Variants in TBC1D4 observed in about 807,000 individuals in gnomAD.
TBC1D4 encodes the protein TBC (Tre-2, BUB2, CDC16) domain-containing protein.
Under a neutral mutation model 142.5 loss-of-function variants are expected in TBC1D4, and 121 were observed. The observed-to-expected ratio is 0.85, with a 90% CI of 0.73 to 0.99. TBC1D4 has a LOEUF of 0.99. TBC1D4 is among the 50% of genes least tolerant of loss of function. The pLI is 0.00. For missense variants in TBC1D4, 1,475 were observed against 1,606.6 expected (o/e 0.92, Z 1.40); for synonymous variants, 630 against 628.2 (o/e 1.00, Z -0.04).
At chr13:75,303,039 C>G (rs1876742670) in intron 15 of TBC1D4, among the ~76,000 whole-genome samples, 1 of 152,040 alleles carries the variant, frequency 6.6e-6, no homozygotes, top group Non-Finnish European at 1.5e-5. Flanking sequence ...AAGAATAGGC[C>G]AGGTACGGTG....
chr13:75,429,534 T>G (rs1886510530), intron 1 of TBC1D4, among the ~76,000 whole-genome samples: 1 of 152,228 alleles, frequency 6.6e-6, no homozygotes, highest in Non-Finnish European at 1.5e-5. Context: ...GAGATTTTCA[T>G]GCCCAGGCAT....
chr13:75,302,218 A>G, intron 16 of TBC1D4, 25 bp downstream of exon 16: 1 of 1,614,042 alleles, frequency 6.2e-7, no homozygotes, highest in Admixed American at 1.7e-5. Context: ...ACTTTTGTAA[A>G]TTATAATCCA....
intron 1 of TBC1D4, among the ~76,000 whole-genome samples, chr13:75,408,978 T>C (rs1885468362): frequency 6.6e-6 from 1 of 152,136 alleles, no homozygotes; most frequent in East Asian, 1.9e-4. Context: ...CCCTCTGATA[T>C]ATGATTGCAA....
chr13:75,443,852 G>A (rs1160593181), intron 1 of TBC1D4, among the ~76,000 whole-genome samples: 5 of 152,126 alleles, frequency 3.3e-5, no homozygotes, highest in African/African-American at 2.4e-5. Flanking sequence ...AGCACTTAAC[G>A]ACTACCAGCT....
chr13:75,409,633 T>G (rs1885506803), intron 1 of TBC1D4, among the ~76,000 whole-genome samples: 1 of 152,204 alleles, frequency 6.6e-6, no homozygotes, highest in Non-Finnish European at 1.5e-5. Context: ...TGGTGAAACT[T>G]CACAGTAAAA....
chr13:75,348,615 C>A (rs1372481169), intron 5 of TBC1D4, among the ~76,000 whole-genome samples: 1 of 152,200 alleles, frequency 6.6e-6, no homozygotes, highest in African/African-American at 2.4e-5. Flanking sequence ...ATGGCCTTCA[C>A]TCCTTCTCAG....
rs541138339 is a variant in TBC1D4, at chr13:75,366,111, A to G, written c.499-3504T>C. Among the ~76,000 whole-genome samples, 28 of 152,344 alleles carry G rather than the reference A, an allele frequency of 1.8e-4. No homozygotes were observed. In the East Asian group the frequency reaches 1.9e-3, roughly 10 times the overall value. On this transcript the variant is annotated intron_variant, in intron 1 of 20. Transcript: ENST00000377636. ...GTAGCTACAAATAATTCCGCTGCTC[A>G]GAATCTGCCTACAACCCACAGAGCC...
At chr13:75,466,208 G>T (rs777245153) in intron 1 of TBC1D4, among the ~76,000 whole-genome samples, 1 of 152,122 alleles carries the variant, frequency 6.6e-6, no homozygotes, top group South Asian at 2.1e-4. Flanking sequence ...AATAATAAGT[G>T]GTCTTTTCTC....
intron 1 of TBC1D4, among the ~76,000 whole-genome samples, chr13:75,409,106 A>G (rs1004243042): frequency 4.6e-5 from 7 of 152,044 alleles, no homozygotes; most frequent in Non-Finnish European, 7.4e-5. Flanking sequence ...TTGGTCAGTT[A>G]CCAGTCTTGC....
chr13:75,318,989 C>T (rs1172604504), intron 12 of TBC1D4, among the ~76,000 whole-genome samples: 3 of 152,018 alleles, frequency 2.0e-5, no homozygotes, highest in Non-Finnish European at 2.9e-5. Context: ...ATAAGGAAAT[C>T]ATAGACTAGA....
chr13:75,371,308 G>A (rs77631038), intron 1 of TBC1D4, among the ~76,000 whole-genome samples: 76 of 152,274 alleles, frequency 5.0e-4, no homozygotes, highest in African/African-American at 1.8e-3. Context: ...TGGTGAAGGG[G>A]AAATCAATGA....
At position 75,362,751 on chromosome 13, in the gene TBC1D4, A is replaced by G; in HGVS notation, c.499-144T>C. Reference sequence around the variant, plus strand: ...AGACACTACACGAGACAGAGCATACACTTACATTATTTGACATAAATGACT... The same window carrying G: ...AGACACTACACGAGACAGAGCATACGCTTACATTATTTGACATAAATGACT... On this transcript the variant is annotated intron_variant, in intron 1 of 20. Coordinates refer to ENST00000377636, the MANE Select transcript of TBC1D4 (RefSeq NM_014832.5). This position sits in a 1 kb window ranked among gnomAD's most constrained non-coding sequence, Gnocchi z 4.2. 1 of 820,482 alleles carries G rather than the reference A, an allele frequency of 1.2e-6. No homozygotes were observed. Among genetic ancestry groups the G allele is most frequent in the East Asian group, 2.6e-5 (1 of 38,146 alleles). The allele number at this position is 820,482 out of a possible 1,614,324, so 50.8% of individuals were successfully genotyped here. A position where few individuals can be genotyped will look rare whatever the true frequency, so the allele number is the denominator to read the frequency against.
intron 1 of TBC1D4, among the ~76,000 whole-genome samples, chr13:75,410,221 T>C (rs932636546): frequency 6.6e-6 from 1 of 152,324 alleles, no homozygotes; most frequent in East Asian, 1.9e-4. Context: ...CTTTCCTATA[T>C]TACAGCCATC....
intron 1 of TBC1D4, among the ~76,000 whole-genome samples, chr13:75,399,901 G>A (rs1335450701): frequency 6.6e-6 from 1 of 152,132 alleles, no homozygotes; most frequent in East Asian, 1.9e-4. Context: ...AGACTACCAG[G>A]AGACTGACAT....
At chr13:75,289,351 G>A (rs1875032347) in intron 19 of TBC1D4, among the ~76,000 whole-genome samples, 1 of 152,002 alleles carries the variant, frequency 6.6e-6, no homozygotes, top group African/African-American at 2.4e-5. Context: ...AAACAGAACA[G>A]ATAGATTATT....
intron 1 of TBC1D4, among the ~76,000 whole-genome samples, chr13:75,409,618 A>G (rs544704749): frequency 3.9e-5 from 6 of 152,296 alleles, no homozygotes; most frequent in African/African-American, 1.4e-4. Context: ...ATGCAGATTG[A>G]CCCTTGGTGA....
chr13:75,343,717 C>T (rs866447077), intron 5 of TBC1D4, among the ~76,000 whole-genome samples: 30 of 152,110 alleles, frequency 2.0e-4, no homozygotes, highest in Admixed American at 1.4e-3. Context: ...TGTTTCTCCA[C>T]GTTGGTCAGG....
intron 1 of TBC1D4, among the ~76,000 whole-genome samples, chr13:75,377,087 CAAAG>C (rs2138236433): frequency 6.6e-6 from 1 of 152,320 alleles, no homozygotes; most frequent in East Asian, 1.9e-4. Context: ...CTGTCTGATT[CAAAG>C]TGTGAACATC....
intron 4 of TBC1D4, among the ~76,000 whole-genome samples, chr13:75,351,615 T>C (rs1881607709): frequency 1.5e-5 from 2 of 133,690 alleles, no homozygotes; most frequent in Non-Finnish European, 3.1e-5. Context: ...TTCCCCTTCC[T>C]GTGTCCATGT....
Sources: allele counts gnomAD v4.1 joint callset (sites outside exome capture counted in the v4.1 genomes callset), GRCh38; gene constraint gnomAD v4.1.1; non-coding constraint Gnocchi (gnomAD v3.1); transcripts MANE v1.5; gene names NCBI Gene and HGNC (gene_info 2026-07-23, HGNC 2026-07-21).